The following YES1 variants were observed in gnomAD, a reference collection of about 807,000 sequenced individuals.
YES1 encodes YES proto-oncogene 1, Src family tyrosine kinase.
A neutral mutation model predicts 70.4 loss-of-function variants in YES1; 39 were observed. The ratio of observed to expected loss-of-function variants is 0.55; its 90% confidence interval spans 0.43 to 0.72. The LOEUF is 0.72. Ranked by LOEUF, YES1 falls within the 30% of genes least tolerant of loss-of-function variation. The pLI is 0.00. For missense variants in YES1, 495 were observed against 644.8 expected (o/e 0.77, Z 2.52); for synonymous variants, 198 against 218.6 (o/e 0.91, Z 0.83).
chr18:727,593 TTC>T (rs2080036151), intron 11 of YES1, among the ~76,000 whole-genome samples: 1 of 95,196 alleles, frequency 1.1e-5, no homozygotes, highest in Non-Finnish European at 2.1e-5. Context: ...GCTTTTTGTC[TTC>T]TCTTGTTATT....
chr18:771,840 A>T (rs1315701798), intron 1 of YES1, among the ~76,000 whole-genome samples: 1 of 151,930 alleles, frequency 6.6e-6, no homozygotes, highest in African/African-American at 2.4e-5. Context: ...GGAAGAAAAA[A>T]TGTTAAAAAG....
chr18:729,216 G>A (rs934176280), intron 11 of YES1, among the ~76,000 whole-genome samples: 1 of 152,032 alleles, frequency 6.6e-6, no homozygotes, highest in African/African-American at 2.4e-5. Flanking sequence ...TGCCCATCTA[G>A]TGAGTACTTA....
At chr18:812,290 G>A (rs1300780140), upstream of YES1, 1 of 150,274 alleles carries the variant, frequency 6.7e-6, no homozygotes. Flanking sequence ...GGAGTTCCCG[G>A]GCTCCCCACG....
Position 751,708 on chromosome 18 carries a change from T to C in YES1, c.368A>G (p.Asn123Ser). The change falls in exon 3 of 12, where the codon AAT becomes AGT. Residue 123 changes from asparagine (N) to serine (S), a missense_variant. Asn to Ser is a conservative substitution (Grantham distance 46). Around this residue, in one of 2 missense-constraint regions of YES1, gnomAD observed 385 missense variants for 540.9 expected, o/e 0.71. Coordinates refer to ENST00000314574, the MANE Select transcript of YES1 (RefSeq NM_005433.4). ...KKGERFQIIN[N>S]TEGDWWEARS... ...ACAAAATATTCATGACACTTACGTA[T>C]TGTTAATTATTTGAAATCTTTCACC... is the stretch of plus-strand genomic sequence containing the variant. 3 of 1,544,576 alleles carry C rather than the reference T, an allele frequency of 1.9e-6. No homozygotes were observed. The highest frequency in any genetic ancestry group is 1.1e-5 in the South Asian group (1 of 89,270).
chr18:760,894 C>T (rs1555686959), intron 1 of YES1, among the ~76,000 whole-genome samples: 1 of 152,098 alleles, frequency 6.6e-6, no homozygotes, highest in Non-Finnish European at 1.5e-5. Context: ...TAAATGTACA[C>T]ATGTGGAATC....
At chr18:791,712 A>G (rs1326642265) in intron 1 of YES1, among the ~76,000 whole-genome samples, 1 of 152,230 alleles carries the variant, frequency 6.6e-6, no homozygotes, top group East Asian at 1.9e-4. Flanking sequence ...ACATGCAATT[A>G]ATATTTAATA....
At chr18:796,757 T>C (rs3915754) in intron 1 of YES1, among the ~76,000 whole-genome samples, 95,988 of 151,910 alleles carry the variant, frequency 0.63, 31,638 homozygotes, top group African/African-American at 0.83. Flanking sequence ...CTCTGTCTCA[T>C]AAAATAAATA....
chr18:759,358 T>G (rs1485101163), intron 1 of YES1, among the ~76,000 whole-genome samples: 1 of 152,140 alleles, frequency 6.6e-6, no homozygotes, highest in African/African-American at 2.4e-5. Context: ...TTCCAGCTAC[T>G]TGGGAGGCTG....
At chr18:763,901 C>G (rs976006765) in intron 1 of YES1, among the ~76,000 whole-genome samples, 1 of 151,876 alleles carries the variant, frequency 6.6e-6, no homozygotes, top group Non-Finnish European at 1.5e-5. Context: ...GCGGGCAGAT[C>G]ATGAGGTCAG....
chr18:775,817 T>A (rs779856263), intron 1 of YES1, among the ~76,000 whole-genome samples: 1 of 151,626 alleles, frequency 6.6e-6, no homozygotes, highest in Admixed American at 6.6e-5. Flanking sequence ...AAAAAAAAAA[T>A]AGAATCATAT....
chr18:783,639 A>G (rs1385158700), intron 1 of YES1, among the ~76,000 whole-genome samples: 1 of 149,590 alleles, frequency 6.7e-6, no homozygotes, highest in Non-Finnish European at 1.5e-5. Context: ...TTTTTGAAAC[A>G]GAGTTTCACT....
chr18:742,175 G>T (rs1036358339), intron 8 of YES1, among the ~76,000 whole-genome samples: 1 of 152,158 alleles, frequency 6.6e-6, no homozygotes, highest in Non-Finnish European at 1.5e-5. Context: ...CAGCTTATCT[G>T]CTGACTTACT....
In YES1 at chr18:781,741, T is replaced by C. The variant is rs376478804; in HGVS notation, c.-8-24906A>G. Among the ~76,000 whole-genome samples, 15 of 152,346 alleles carry C rather than the reference T, an allele frequency of 9.8e-5. No individual in the cohort carries two copies. The East Asian group carries it at 2.1e-3, about 22-fold the overall frequency. Reference sequence around the variant, plus strand: ...ACTGTGATCCTTGATCAAATTACTTTATCTTTCCTAAGACTGAATTTCCTT... The same window carrying C: ...ACTGTGATCCTTGATCAAATTACTTCATCTTTCCTAAGACTGAATTTCCTT... On this transcript the variant is annotated intron_variant, in intron 1 of 11. Transcript: ENST00000314574.
chr18:788,546 C>T (rs151220504), intron 1 of YES1, among the ~76,000 whole-genome samples: 54 of 152,212 alleles, frequency 3.5e-4, no homozygotes, highest in African/African-American at 1.3e-3. Flanking sequence ...CAGAAAGGCA[C>T]TAATATTCTG....
At chr18:727,572 C>G (rs958485421) in intron 11 of YES1, among the ~76,000 whole-genome samples, 11 of 138,968 alleles carry the variant, frequency 7.9e-5, no homozygotes, top group African/African-American at 3.1e-4. Flanking sequence ...AATTTTTTCT[C>G]TCCTCTGTTG....
chr18:743,646 G>A (rs547860244), intron 6 of YES1, among the ~76,000 whole-genome samples: 3 of 152,120 alleles, frequency 2.0e-5, no homozygotes, highest in Non-Finnish European at 2.9e-5. Flanking sequence ...GGTGTCTCAC[G>A]TCTGTAATCC....
chr18:763,546 A>C (rs1197265159), intron 1 of YES1, among the ~76,000 whole-genome samples: 3 of 151,824 alleles, frequency 2.0e-5, no homozygotes. Context: ...AATACAAAAA[A>C]TTACCCAGTT....
intron 1 of YES1, among the ~76,000 whole-genome samples, chr18:765,266 A>ATC (rs1441066828): frequency 5.0e-4 from 34 of 68,500 alleles, no homozygotes; most frequent in African/African-American, 2.1e-3. Flanking sequence ...ATATATATAT[A>ATC]TATATATATA....
Position 758,990 on chromosome 18 carries a change from G to C in YES1, c.-8-2155C>G, listed in dbSNP as rs553374639. 2.0e-5 allele frequency among the ~76,000 whole-genome samples: 3 copies of C among 152,270 alleles called. No individual in the cohort carries two copies. The East Asian group carries it at 5.8e-4, about 29-fold the overall frequency. On this transcript the variant is annotated intron_variant, in intron 1 of 11. Coordinates refer to ENST00000314574, the MANE Select transcript of YES1 (RefSeq NM_005433.4). ...TTCTATGACATTCAAAAGGAAGTAG[G>C]TGAGTGTTGGCCGCCTCATAAATTC...
Sources: allele counts gnomAD v4.1 joint callset (sites outside exome capture counted in the v4.1 genomes callset), GRCh38; gene constraint gnomAD v4.1.1; regional missense constraint gnomAD v4.1.1; transcripts MANE v1.5; gene names NCBI Gene and HGNC (gene_info 2026-07-23, HGNC 2026-07-21).